The following SI variants were observed in gnomAD, a reference collection of about 807,000 sequenced individuals.
SI encodes the protein sucrase-isomaltase, intestinal.
In SI, 235 loss-of-function variants were observed where a neutral mutation model predicts 253.3. The ratio of observed to expected loss-of-function variants is 0.93; its 90% CI spans 0.83 to 1.03. The LOEUF is 1.03. Ranked by LOEUF, SI falls within the 50% of genes least tolerant of loss-of-function variation. SI has a pLI of 0.00. For synonymous variants in SI, 819 were observed against 712.0 expected, an observed-to-expected ratio of 1.15 and a Z score of -2.39; for missense variants, 2,442 against 2,211.1, an observed-to-expected ratio of 1.10 and a Z score of -2.09.
chr3:164,983,712 C>T (rs2108110954), intron 45 of SI, among the ~76,000 whole-genome samples: 1 of 152,170 alleles, frequency 6.6e-6, no homozygotes, highest in East Asian at 1.9e-4. Flanking sequence ...ACCTCAGCCT[C>T]CTGAGTGGCT....
At chr3:165,036,259 A>G (rs1712522661) in intron 22 of SI, 130 bp downstream of exon 22, 7 of 675,432 alleles carry the variant, frequency 1.0e-5, no homozygotes, top group Non-Finnish European at 1.8e-5. Context: ...AAAGCCTGAA[A>G]CAGATAAAAA....
At chr3:164,995,137 G>T (rs148723582) in intron 40 of SI, among the ~76,000 whole-genome samples, 1 of 151,696 alleles carries the variant, frequency 6.6e-6, no homozygotes, top group East Asian at 1.9e-4. Context: ...AATGTTTTTC[G>T]TTGACATCAG....
At chr3:165,015,426 T>C (rs2108171338) in intron 32 of SI, among the ~76,000 whole-genome samples, 193 bp from the exon 33 acceptor site, 1 of 152,274 alleles carries the variant, frequency 6.6e-6, no homozygotes, top group African/African-American at 2.4e-5. Context: ...TTCTAAGGAC[T>C]CTTGGAAATG....
intron 20 of SI, among the ~76,000 whole-genome samples, chr3:165,038,343 A>C (rs1304553380): frequency 3.3e-5 from 5 of 151,952 alleles, no homozygotes; most frequent in Non-Finnish European, 5.9e-5. Context: ...GATTTTCTTA[A>C]AATCATTATT....
intron 21 of SI, 136 bp from the exon 22 acceptor site, chr3:165,036,613 T>C (rs1182013492): frequency 5.1e-6 from 3 of 586,060 alleles, no homozygotes; most frequent in African/African-American, 1.9e-5. Flanking sequence ...AATAAATTTG[T>C]ATTTATATGT....
At chr3:165,030,689 G>A in intron 25 of SI, 23 bp downstream of exon 25, 5 of 1,604,434 alleles carry the variant, frequency 3.1e-6, no homozygotes, top group African/African-American at 1.3e-5. Flanking sequence ...CATATCATGA[G>A]TAATAGTTAA....
intron 12 of SI, 21 bp from the exon 13 acceptor site, chr3:165,055,328 C>T: frequency 8.5e-7 from 1 of 1,176,732 alleles, no homozygotes; most frequent in Admixed American, 1.7e-5. Flanking sequence ...AGATCATTCA[C>T]ATATATACAT....
chr3:165,047,979 C>T (rs1422022114), intron 15 of SI, among the ~76,000 whole-genome samples: 1 of 151,876 alleles, frequency 6.6e-6, no homozygotes, highest in Non-Finnish European at 1.5e-5. Flanking sequence ...AGTGCTTTTC[C>T]ATGTTATAAT....
chr3:165,055,220 CTT>C lies in SI; in HGVS notation c.1484_1485del (p.Gln495ArgfsTer5). The C allele has an allele frequency of 6.2e-7, 1 of 1,609,520 alleles. No homozygotes were observed. Among genetic ancestry groups the C allele is most frequent in the South Asian group, 1.1e-5 (1 of 90,986 alleles). On this transcript the variant is annotated frameshift_variant, in exon 13 of 48. Coordinates refer to ENST00000264382, the MANE Select transcript of SI (RefSeq NM_001041.4). LOFTEE classifies it high-confidence loss of function. ...WWANECSIFH[Q>X]EVQYDGLWID... Reference sequence around the variant, plus strand: ...ATCCAAAGTCCATCATATTGCACTTCTTGATGGAAAATACTGCATTCATTTGC... The same window carrying C: ...ATCCAAAGTCCATCATATTGCACTTCGATGGAAAATACTGCATTCATTTGC...
intron 37 of SI, among the ~76,000 whole-genome samples, chr3:165,005,082 T>C (rs1238609949): frequency 6.6e-6 from 1 of 152,154 alleles, no homozygotes; most frequent in Non-Finnish European, 1.5e-5. Flanking sequence ...CTGCCATGAT[T>C]GTATGTTTCC....
In SI at chr3:165,067,481, G is replaced by A; in HGVS notation, c.494C>T (p.Pro165Leu). Reference protein sequence around the residue: ...PNRFRFKITDPNNRRYEVPHQ... With the variant: ...PNRFRFKITDLNNRRYEVPHQ... ...AGGAACTTCATATCTTCTATTATTT[G>A]GATCAGTAATCTGGAAAGATTTAAG... Residue 165 changes from proline to leucine, a missense_variant, in exon 6 of 48, where the codon CCA (proline) becomes CTA (leucine). Pro to Leu is a moderately conservative substitution (Grantham distance 98, BLOSUM62 -3). Transcript: ENST00000264382. 2 of 1,608,622 alleles carry A rather than the reference G, an allele frequency of 1.2e-6. No individual in the cohort carries two copies. Among genetic ancestry groups the A allele is most frequent in the Middle Eastern group, 1.7e-4 (1 of 6,034 alleles).
rs1184378408 is a variant in SI at position 165,005,833 on chromosome 3, A to G, written c.4406+983T>C. On this transcript the variant is annotated intron_variant, in intron 37 of 47. Transcript: ENST00000264382. ...AGGAGCACAGCTCACTGCAGCCTCA[A>G]CCTCCTGGGCCCAAGTGATCCTCCC... is the stretch of plus-strand genomic sequence containing the variant. 2.0e-5 allele frequency among the ~76,000 whole-genome samples: 3 copies of G among 152,038 alleles called. No homozygotes were observed. The East Asian group carries it at 5.8e-4, about 30-fold the overall frequency.
chr3:164,982,971 A>G, intron 46 of SI, 31 bp downstream of exon 46: 1 of 1,545,018 alleles, frequency 6.5e-7, no homozygotes, highest in South Asian at 1.1e-5. Context: ...AATATTCCTT[A>G]ACAGAATTGC....
chr3:165,069,643 C>G (rs1171104897), intron 3 of SI, among the ~76,000 whole-genome samples: 1 of 151,928 alleles, frequency 6.6e-6, no homozygotes, highest in Non-Finnish European at 1.5e-5. Flanking sequence ...TTAATTCTAC[C>G]TACTTACTAG....
At position 165,059,037 on chromosome 3, in the gene SI, C is replaced by T. The variant is rs1332278070; in HGVS notation, c.1324G>A (p.Ala442Thr). Residue 442 changes from alanine to threonine, a missense_variant, in exon 12 of 48, where the codon GCA becomes ACA. By Grantham distance (58) the Ala-to-Thr change is moderately conservative. Coordinates refer to ENST00000264382, the MANE Select transcript of SI (RefSeq NM_001041.4). The stretch of plus-strand genomic sequence containing the variant: ...TGTGTGTTTCCCCTCTCATAGGTTG[C>T]ATATGTTGTTCCATTGGCACGTCGA... ...IGRRANGTTY[A>T]TYERGNTQHV... 6.2e-7 allele frequency: 1 copy of T among 1,612,526 alleles called. No homozygotes were observed. The highest frequency in any genetic ancestry group is 8.5e-7 in the Non-Finnish European group (1 of 1,179,170).
At chr3:164,999,717 T>C (rs569959139) in intron 37 of SI, among the ~76,000 whole-genome samples, 2 of 151,806 alleles carry the variant, frequency 1.3e-5, no homozygotes, top group South Asian at 4.1e-4. Flanking sequence ...GCATCCCTTA[T>C]ATCTAATGCA....
At chr3:165,064,795 A>G (rs1416580520) in intron 7 of SI, among the ~76,000 whole-genome samples, 1 of 152,108 alleles carries the variant, frequency 6.6e-6, no homozygotes, top group Admixed American at 6.6e-5. Context: ...AGTTACCAAA[A>G]AAACAAACTG....
chr3:164,983,388 T>A (rs1485567424), intron 45 of SI, among the ~76,000 whole-genome samples: 2 of 152,040 alleles, frequency 1.3e-5, no homozygotes, highest in African/African-American at 4.8e-5. Context: ...ATAAACAGAA[T>A]TCAGTGATGA....
At chr3:165,000,371 A>G (rs565840597) in intron 37 of SI, among the ~76,000 whole-genome samples, 14 of 151,394 alleles carry the variant, frequency 9.2e-5, no homozygotes, top group African/African-American at 2.7e-4. Flanking sequence ...GATAGGAAGA[A>G]TAAATTTAGC....
Sources: gnomAD v4.1 joint callset for allele counts (sites outside exome capture counted in the v4.1 genomes callset) on GRCh38, gnomAD v4.1.1 for gene constraint, MANE v1.5 for transcripts, NCBI Gene and HGNC (gene_info 2026-07-23, HGNC 2026-07-21) for gene names.